PLD1: variants seen among roughly 807,000 people sequenced by gnomAD.
PLD1 encodes the protein phospholipase D1.
In PLD1, 112 loss-of-function variants were observed where a neutral mutation model predicts 137.1. The ratio of observed to expected loss-of-function variants is 0.82; its 90% CI spans 0.70 to 0.96. PLD1 has a LOEUF of 0.96. PLD1 is among the 40% of genes least tolerant of loss of function. The probability of loss-of-function intolerance (pLI) is 0.00; values close to 1 mark genes in which losing one functional copy is unlikely to be tolerated. For synonymous variants in PLD1, 431 were observed against 454.7 expected (o/e 0.95, Z 0.66); for missense variants, 1,321 against 1,342.0 (o/e 0.98, Z 0.24).
At chr3:171,674,730 C>A (rs1713157614) in intron 18 of PLD1, 117 bp from the exon 19 acceptor site, 2 of 536,112 alleles carry the variant, frequency 3.7e-6, no homozygotes, top group Admixed American at 3.2e-5. Flanking sequence ...GTAATCCCAG[C>A]ACTTTGGGAG....
At chr3:171,744,094 C>T (rs1392907677) in intron 1 of PLD1, among the ~76,000 whole-genome samples, 2 of 152,200 alleles carry the variant, frequency 1.3e-5, no homozygotes, top group African/African-American at 2.4e-5. Flanking sequence ...GCTAACACAG[C>T]AAACTGCTAG....
At chr3:171,692,475 T>C (rs1715280801) in intron 12 of PLD1, 33 bp from the exon 13 acceptor site, 1 of 971,928 alleles carries the variant, frequency 1.0e-6, no homozygotes, top group Non-Finnish European at 1.7e-6. Flanking sequence ...GAGGAATGAG[T>C]ATCTCTGGAG....
chr3:171,715,409 G>A (rs1241737944), intron 8 of PLD1, among the ~76,000 whole-genome samples: 2 of 152,012 alleles, frequency 1.3e-5, no homozygotes, highest in East Asian at 1.9e-4. Context: ...GCTTTGGTTT[G>A]TTTTTTGTTT....
In PLD1 at chr3:171,669,453, G is replaced by A. The variant is rs556906656; in HGVS notation, c.2229+5047C>T. Among the ~76,000 whole-genome samples the A allele has an allele frequency of 2.6e-5, 4 of 152,300 alleles. No homozygotes were observed. In the East Asian group the frequency reaches 7.7e-4, roughly 29 times the overall value. On this transcript the variant is annotated intron_variant, in intron 19 of 26. Coordinates refer to ENST00000351298, the MANE Select transcript of PLD1 (RefSeq NM_002662.5). ...GTTTTGCTCTGTTGCCTAGGCTGGA[G>A]TGCAGTGGTGTAATCTCGGCTCACT...
chr3:171,744,160 T>C lies in PLD1; in HGVS notation c.-31-6078A>G, dbSNP rs188065394. Among the ~76,000 whole-genome samples, 80 of 152,312 alleles carry C rather than the reference T, an allele frequency of 5.3e-4. 1 individual carries two copies. The highest frequency in any genetic ancestry group is 1.8e-3 in the African/African-American group (73 of 41,580). On this transcript the variant is annotated intron_variant, in intron 1 of 26. Coordinates refer to ENST00000351298, the MANE Select transcript of PLD1 (RefSeq NM_002662.5). ...AGGGCTTTTCATGCATCATGTCAAATGATCCTCACAGCAACTTCATGAGGA... is the reference window on the plus strand; with the variant it reads ...AGGGCTTTTCATGCATCATGTCAAACGATCCTCACAGCAACTTCATGAGGA...
intron 23 of PLD1, among the ~76,000 whole-genome samples, chr3:171,639,904 T>C (rs1374335753): frequency 1.4e-5 from 2 of 144,848 alleles, no homozygotes; most frequent in African/African-American, 5.1e-5. Flanking sequence ...CCCTGACTAA[T>C]ACAATGTCTT....
At chr3:171,681,397 C>T (rs1436850375) in intron 16 of PLD1, among the ~76,000 whole-genome samples, 1 of 152,032 alleles carries the variant, frequency 6.6e-6, no homozygotes, top group Admixed American at 6.6e-5. Flanking sequence ...GATTATAGAC[C>T]TATATGTATT....
At chr3:171,656,298 A>G (rs1465944159) in intron 21 of PLD1, among the ~76,000 whole-genome samples, 1 of 151,956 alleles carries the variant, frequency 6.6e-6, no homozygotes, top group African/African-American at 2.4e-5. Context: ...AGCCACCTGA[A>G]CAGCTGGGAC....
chr3:171,687,126 T>A (rs902389537), intron 15 of PLD1, among the ~76,000 whole-genome samples: 1 of 152,268 alleles, frequency 6.6e-6, no homozygotes, highest in Non-Finnish European at 1.5e-5. Context: ...GTCATTCTGC[T>A]ACCATTAGAA....
chr3:171,718,629 G>A (rs999254428), intron 8 of PLD1, among the ~76,000 whole-genome samples: 5 of 152,130 alleles, frequency 3.3e-5, no homozygotes, highest in African/African-American at 1.2e-4. Flanking sequence ...CTATCAACCA[G>A]CCTTCTAGGA....
At chr3:171,724,640 G>A in intron 8 of PLD1, 56 bp downstream of exon 8, 1 of 972,670 alleles carries the variant, frequency 1.0e-6, no homozygotes, top group Non-Finnish European at 1.7e-6. Context: ...TGTAAAACTA[G>A]CCCAAATACC....
intron 1 of PLD1, among the ~76,000 whole-genome samples, chr3:171,783,618 T>A (rs754525160): frequency 5.9e-5 from 9 of 152,056 alleles, no homozygotes; most frequent in Non-Finnish European, 1.0e-4. Flanking sequence ...TTGATTGAGA[T>A]AGGGTTTGTT....
In PLD1 at chr3:171,709,155, C is replaced by G. The variant is rs1429562440; in HGVS notation, c.1062-317G>C. Among the ~76,000 whole-genome samples, 3 of 152,178 alleles carry G rather than the reference C, an allele frequency of 2.0e-5. No individual in the cohort carries two copies. The East Asian group carries it at 5.8e-4, about 29-fold the overall frequency. On this transcript the variant is annotated intron_variant, in intron 10 of 26. Coordinates refer to ENST00000351298, the MANE Select transcript of PLD1 (RefSeq NM_002662.5). ...CATACAGTTTTTCTTACATACAGTT[C>G]TGAGACTGAAAACAAACTAGCTTCC...
intron 1 of PLD1, among the ~76,000 whole-genome samples, chr3:171,764,492 A>T (rs772296859): frequency 6.6e-6 from 1 of 152,190 alleles, no homozygotes; most frequent in Non-Finnish European, 1.5e-5. Context: ...ATAAGCAATG[A>T]TCTAACCCAG....
At chr3:171,707,863 C>T (rs2108560425) in intron 11 of PLD1, among the ~76,000 whole-genome samples, 1 of 152,312 alleles carries the variant, frequency 6.6e-6, no homozygotes, top group African/African-American at 2.4e-5. Context: ...AGATTCCAGA[C>T]AACCGAAGCA....
At chr3:171,665,026 G>A (rs888345510) in intron 19 of PLD1, among the ~76,000 whole-genome samples, 2 of 152,190 alleles carry the variant, frequency 1.3e-5, no homozygotes, top group African/African-American at 4.8e-5. Context: ...GGTAACATCT[G>A]AGTTTTTCCC....
chr3:171,739,412 T>C (rs1719612514), intron 1 of PLD1, among the ~76,000 whole-genome samples: 1 of 152,126 alleles, frequency 6.6e-6, no homozygotes, highest in Non-Finnish European at 1.5e-5. Context: ...ACATATAAAA[T>C]TCATATATCT....
At chr3:171,675,929 G>A (rs1578245863) in intron 18 of PLD1, among the ~76,000 whole-genome samples, 2 of 149,556 alleles carry the variant, frequency 1.3e-5, no homozygotes, top group African/African-American at 4.9e-5. Context: ...TGCAAACTCC[G>A]CCTCCTGGAT....
intron 22 of PLD1, chr3:171,643,123 G>A (rs942747199): frequency 1.9e-5 from 7 of 372,954 alleles, no homozygotes; most frequent in Admixed American, 4.8e-5. Context: ...TATAAAATTC[G>A]TGTTAGATTT....
Sources: gnomAD v4.1 joint callset for allele counts (sites outside exome capture counted in the v4.1 genomes callset) on GRCh38, gnomAD v4.1.1 for gene constraint, MANE v1.5 for transcripts, NCBI Gene and HGNC (gene_info 2026-07-23, HGNC 2026-07-21) for gene names.